Variants in PCSK2 observed in about 807,000 individuals in gnomAD.
The protein encoded by PCSK2 is neuroendocrine convertase 2.
In PCSK2, 14 loss-of-function variants were observed where a neutral mutation model predicts 69.7. The observed-to-expected ratio is 0.20, with a 90% CI of 0.13 to 0.31. The LOEUF (loss-of-function observed/expected upper bound fraction) is 0.31. PCSK2 is among the 10% of genes least tolerant of loss of function. The probability of loss-of-function intolerance (pLI) is 1.00; values close to 1 mark genes in which losing one functional copy is unlikely to be tolerated. For missense variants in PCSK2, 544 were observed against 842.5 expected (o/e 0.65, Z 4.39); for synonymous variants, 307 against 320.7 (o/e 0.96, Z 0.46).
At chr20:17,299,487 G>T (rs1989006633) in intron 2 of PCSK2, among the ~76,000 whole-genome samples, 2 of 149,670 alleles carry the variant, frequency 1.3e-5, no homozygotes, top group Non-Finnish European at 3.0e-5. Context: ...AATTTTCCTT[G>T]CCCATTTATT....
intron 2 of PCSK2, among the ~76,000 whole-genome samples, chr20:17,286,422 T>C (rs1988512162): frequency 6.6e-6 from 1 of 152,258 alleles, no homozygotes; most frequent in Non-Finnish European, 1.5e-5. Context: ...GCAGCCTCTG[T>C]ATGACTTGGA....
At chr20:17,440,525 C>A (rs1470263095) in intron 8 of PCSK2, among the ~76,000 whole-genome samples, 1 of 152,168 alleles carries the variant, frequency 6.6e-6, no homozygotes, top group Non-Finnish European at 1.5e-5. Context: ...GTTGAAGAAA[C>A]AGAGGCCTAG....
chr20:17,477,045 C>T (rs2123420581), intron 11 of PCSK2, among the ~76,000 whole-genome samples: 1 of 152,300 alleles, frequency 6.6e-6, no homozygotes, highest in East Asian at 1.9e-4. Context: ...CCGTTTAAGT[C>T]TATATTTGTA....
intron 1 of PCSK2, among the ~76,000 whole-genome samples, chr20:17,259,573 T>C (rs1257023654): frequency 6.6e-6 from 1 of 152,142 alleles, no homozygotes. Flanking sequence ...CCTGTTTAGG[T>C]TCTCCAAGAC....
intron 6 of PCSK2, among the ~76,000 whole-genome samples, chr20:17,414,186 G>A (rs921648493): frequency 4.6e-5 from 7 of 152,068 alleles, no homozygotes; most frequent in Non-Finnish European, 5.9e-5. Flanking sequence ...TAAGATCAGA[G>A]CAGAACTGAA....
intron 5 of PCSK2, among the ~76,000 whole-genome samples, chr20:17,397,070 A>C (rs2031526995): frequency 6.6e-6 from 1 of 152,224 alleles, no homozygotes. Context: ...GCACACCTAG[A>C]GTTACCTATG....
intron 2 of PCSK2, among the ~76,000 whole-genome samples, chr20:17,269,484 C>G (rs1162151517): frequency 6.6e-6 from 1 of 152,122 alleles, no homozygotes; most frequent in Non-Finnish European, 1.5e-5. Flanking sequence ...ATAATTATTT[C>G]TTATTAGAGG....
At chr20:17,362,686 C>A (rs921462828) in intron 4 of PCSK2, among the ~76,000 whole-genome samples, 7 of 152,204 alleles carry the variant, frequency 4.6e-5, no homozygotes, top group African/African-American at 1.7e-4. Flanking sequence ...AAAGGCTAGA[C>A]CTGGAATGGG....
chr20:17,336,113 C>T (rs1212537093), intron 2 of PCSK2, among the ~76,000 whole-genome samples: 2 of 152,132 alleles, frequency 1.3e-5, no homozygotes, highest in Non-Finnish European at 2.9e-5. Context: ...AACACTGTCA[C>T]AATTGTAATA....
At position 17,482,178 on chromosome 20, in the gene PCSK2, C is replaced by A; in HGVS notation, c.*108C>A. ...AATTCCATCACCCGTACAGGCAATT[C>A]CGTCTTCTTAATCTGAAGCTTCACT... is the stretch of plus-strand genomic sequence containing the variant. On this transcript the variant is annotated 3_prime_UTR_variant, in exon 12 of 12. Transcript: ENST00000262545. 1.0e-6 allele frequency: 1 copy of A among 997,510 alleles called. No homozygotes were observed. The highest frequency in any genetic ancestry group is 1.4e-6 in the Non-Finnish European group (1 of 700,542). The allele number at this position is 997,510 out of a possible 1,614,324, so 61.8% of individuals were successfully genotyped here. A position where few individuals can be genotyped will look rare whatever the true frequency, so the allele number is the denominator to read the frequency against.
chr20:17,306,622 C>T (rs1313691371), intron 2 of PCSK2, among the ~76,000 whole-genome samples: 1 of 152,204 alleles, frequency 6.6e-6, no homozygotes, highest in East Asian at 1.9e-4. Context: ...AACAGTGACT[C>T]AGTGCCTCGC....
chr20:17,335,390 C>T (rs879786159), intron 2 of PCSK2, among the ~76,000 whole-genome samples: 2 of 146,792 alleles, frequency 1.4e-5, no homozygotes, highest in East Asian at 2.0e-4. Context: ...CCTTTTCTGA[C>T]GTATTCTTGT....
chr20:17,470,854 G>T (rs2033186960), intron 11 of PCSK2, among the ~76,000 whole-genome samples: 1 of 152,162 alleles, frequency 6.6e-6, no homozygotes, highest in South Asian at 2.1e-4. Context: ...CAAGCAGGGA[G>T]TGGGGGCTGG....
At chr20:17,377,317 T>C (rs2030955873) in intron 5 of PCSK2, among the ~76,000 whole-genome samples, 1 of 152,232 alleles carries the variant, frequency 6.6e-6, no homozygotes, top group Non-Finnish European at 1.5e-5. Context: ...CCTACATTCC[T>C]GCACTTTTCC....
chr20:17,409,056 T>C (rs1211941712), intron 5 of PCSK2, among the ~76,000 whole-genome samples: 1 of 152,058 alleles, frequency 6.6e-6, no homozygotes, highest in Non-Finnish European at 1.5e-5. Context: ...TAGGATGAAA[T>C]GGGGAAGCCT....
chr20:17,366,096 C>T (rs901962746), intron 4 of PCSK2, among the ~76,000 whole-genome samples: 1 of 152,158 alleles, frequency 6.6e-6, no homozygotes, highest in African/African-American at 2.4e-5. Context: ...GCCTGGGCCC[C>T]GAGGCTCTAG....
intron 2 of PCSK2, among the ~76,000 whole-genome samples, chr20:17,345,277 G>A (rs1447368732): frequency 6.6e-6 from 1 of 151,730 alleles, no homozygotes; most frequent in Non-Finnish European, 1.5e-5. Flanking sequence ...ATGATTTCAT[G>A]AATATATTGA....
chr20:17,348,758 T>C (rs1162043404), intron 2 of PCSK2, among the ~76,000 whole-genome samples: 1 of 152,224 alleles, frequency 6.6e-6, no homozygotes, highest in East Asian at 1.9e-4. Flanking sequence ...ATTCCCTCTG[T>C]TGGTAACAGT....
intron 4 of PCSK2, among the ~76,000 whole-genome samples, chr20:17,364,553 A>G (rs2030523176): frequency 6.6e-6 from 1 of 152,162 alleles, no homozygotes; most frequent in Admixed American, 6.5e-5. Flanking sequence ...TTCCCCTTAT[A>G]AAACCATCAG....
Sources: allele counts gnomAD v4.1 joint callset (sites outside exome capture counted in the v4.1 genomes callset), GRCh38; gene constraint gnomAD v4.1.1; transcripts MANE v1.5; gene names NCBI Gene and HGNC (gene_info 2026-07-23, HGNC 2026-07-21).